Variants in CSMD1 observed in about 807,000 individuals in gnomAD.
CSMD1 encodes CUB and sushi domain-containing protein 1.
A neutral mutation model predicts 417.5 loss-of-function variants in CSMD1; 213 were observed. The observed-to-expected ratio is 0.51, with a 90% CI of 0.46 to 0.57. The LOEUF is 0.57. Ranked by LOEUF, CSMD1 falls within the 20% of genes least tolerant of loss-of-function variation. The pLI, the probability that CSMD1 is intolerant of heterozygous loss-of-function variation, is 0.00. For missense variants in CSMD1, 6,923 were observed against 4,529.7 expected, an observed-to-expected ratio of 1.53 and a Z score of -15.17; for synonymous variants, 2,862 against 1,736.8, an observed-to-expected ratio of 1.65 and a Z score of -16.11.
rs556347741 is a variant in CSMD1 at position 4,214,909 on chromosome 8, TGTTTTTGTTTTCAGCTCA to T, written c.416-182828_416-182811del. Among the ~76,000 whole-genome samples, 999 of 152,272 alleles carry T rather than the reference TGTTTTTGTTTTCAGCTCA, an allele frequency of 6.6e-3. 3 individuals are homozygous for T. Among genetic ancestry groups the T allele is most frequent in the Non-Finnish European group, 0.011 (720 of 68,016 alleles). ...ATATTCTTTTTTAAGTTTTACAACT[TGTTTTTGTTTTCAGCTCA>T]CTTTTAATGAGCACAAACGAAGCTC... On this transcript the variant is annotated intron_variant, in intron 3 of 69. Coordinates refer to ENST00000635120, the MANE Select transcript of CSMD1 (RefSeq NM_033225.6).
At chr8:3,123,036 C>T (rs1817296053) in intron 41 of CSMD1, among the ~76,000 whole-genome samples, 2 of 152,164 alleles carry the variant, frequency 1.3e-5, no homozygotes, top group Non-Finnish European at 2.9e-5. Flanking sequence ...AAGGACGTAG[C>T]TCAAAGGCTA....
intron 3 of CSMD1, among the ~76,000 whole-genome samples, chr8:4,165,273 A>G (rs961456938): frequency 1.3e-5 from 2 of 152,254 alleles, no homozygotes; most frequent in Admixed American, 1.3e-4. Context: ...CGAAAGTTAC[A>G]GCTGTTGATC....
At chr8:3,156,524 TG>T (rs777690803) in intron 39 of CSMD1, among the ~76,000 whole-genome samples, 25 of 152,042 alleles carry the variant, frequency 1.6e-4, no homozygotes, top group South Asian at 2.1e-4. Flanking sequence ...AGGCACATGG[TG>T]GTGGTAGCCC....
At chr8:3,836,578 T>G (rs1236282628) in intron 5 of CSMD1, among the ~76,000 whole-genome samples, 1 of 152,136 alleles carries the variant, frequency 6.6e-6, no homozygotes, top group Non-Finnish European at 1.5e-5. Flanking sequence ...TGAAGCTTGG[T>G]CTTTGAAGCA....
chr8:3,588,690 C>G (rs185293058), intron 8 of CSMD1, among the ~76,000 whole-genome samples: 1 of 151,978 alleles, frequency 6.6e-6, no homozygotes, highest in African/African-American at 2.4e-5. Flanking sequence ...TAAGCCTAAA[C>G]CCCCAAAGCG....
At chr8:3,740,554 C>A (rs1796747121) in intron 6 of CSMD1, among the ~76,000 whole-genome samples, 1 of 152,064 alleles carries the variant, frequency 6.6e-6, no homozygotes. Context: ...AGGATTTCTG[C>A]CACAGGGAAA....
At chr8:3,605,323 T>G (rs1446815760) in intron 8 of CSMD1, among the ~76,000 whole-genome samples, 2 of 152,186 alleles carry the variant, frequency 1.3e-5, no homozygotes, top group East Asian at 3.9e-4. Context: ...ACACCACATT[T>G]ACTCCCTGGT....
rs1798905831 is a variant in CSMD1, at chr8:4,060,316, G to A, written c.416-28217C>T. ...TCTCAGAATAATAAGAGTTATCTATGACAAACCCACAGCCGATATCATACT... is the reference window on the plus strand; with the variant it reads ...TCTCAGAATAATAAGAGTTATCTATAACAAACCCACAGCCGATATCATACT... On this transcript the variant is annotated intron_variant, in intron 3 of 69. Coordinates refer to ENST00000635120, the MANE Select transcript of CSMD1 (RefSeq NM_033225.6). 1.3e-5 allele frequency among the ~76,000 whole-genome samples: 2 copies of A among 152,150 alleles called. 1 individual carries two copies. Among genetic ancestry groups the A allele is most frequent in the Non-Finnish European group, 2.9e-5 (2 of 68,036 alleles).
intron 3 of CSMD1, among the ~76,000 whole-genome samples, chr8:4,336,000 CAAGTT>C (rs1800147524): frequency 6.6e-6 from 1 of 152,132 alleles, no homozygotes; most frequent in African/African-American, 2.4e-5. Flanking sequence ...CGCTCACTGT[CAAGTT>C]AAGATTTGGT....
chr8:4,411,218 C>G (rs1228772573), intron 3 of CSMD1, among the ~76,000 whole-genome samples: 1 of 152,132 alleles, frequency 6.6e-6, no homozygotes, highest in African/African-American at 2.4e-5. Flanking sequence ...CCATCAAGTA[C>G]AAATATTAAT....
At chr8:3,752,608 T>G (rs1797401086) in intron 6 of CSMD1, among the ~76,000 whole-genome samples, 1 of 137,886 alleles carries the variant, frequency 7.3e-6, no homozygotes, top group Non-Finnish European at 1.5e-5. Flanking sequence ...GAGGCAAGAC[T>G]GCACCACTGC....
chr8:4,084,157 GAAT>G (rs1365095426), intron 3 of CSMD1, among the ~76,000 whole-genome samples: 7 of 152,044 alleles, frequency 4.6e-5, no homozygotes, highest in Admixed American at 2.6e-4. Flanking sequence ...TATAAAAGCA[GAAT>G]AATTAAAAGA....
intron 52 of CSMD1, among the ~76,000 whole-genome samples, chr8:3,012,031 T>G (rs1808428182): frequency 6.6e-6 from 1 of 152,216 alleles, no homozygotes; most frequent in Non-Finnish European, 1.5e-5. Context: ...ACAGTACAGT[T>G]GGTAAATTAG....
At chr8:3,601,633 C>T (rs543983323) in intron 8 of CSMD1, among the ~76,000 whole-genome samples, 26 of 152,286 alleles carry the variant, frequency 1.7e-4, no homozygotes, top group African/African-American at 6.0e-4. Flanking sequence ...CTCTGTTCAG[C>T]AGCGTCAACA....
In CSMD1 at chr8:4,036,085, G is replaced by A. The variant is rs143397858; in HGVS notation, c.416-3986C>T. 2.1e-4 allele frequency among the ~76,000 whole-genome samples: 32 copies of A among 152,288 alleles called. No individual in the cohort carries two copies. The East Asian group carries it at 6.2e-3, about 29-fold the overall frequency. On this transcript the variant is annotated intron_variant, in intron 3 of 69. Coordinates refer to ENST00000635120, the MANE Select transcript of CSMD1 (RefSeq NM_033225.6). ...CCTACAGTATTCAGTTCAGCCACAT[G>A]CTGTACAGGTTTGCACTCTAGGAGT...
At chr8:3,537,785 A>G (rs1441454042) in intron 10 of CSMD1, among the ~76,000 whole-genome samples, 7 of 152,240 alleles carry the variant, frequency 4.6e-5, no homozygotes, top group Admixed American at 3.9e-4. Flanking sequence ...TTCACCAATT[A>G]AAGAGTCTCA....
chr8:3,907,494 C>G (rs1808188059), intron 5 of CSMD1, among the ~76,000 whole-genome samples: 1 of 152,078 alleles, frequency 6.6e-6, no homozygotes, highest in Non-Finnish European at 1.5e-5. Context: ...TTACAGTGGC[C>G]TATTAAGTAT....
intron 1 of CSMD1, among the ~76,000 whole-genome samples, chr8:4,921,472 T>A (rs140864113): frequency 2.0e-5 from 3 of 152,372 alleles, no homozygotes; most frequent in Non-Finnish European, 4.4e-5. Flanking sequence ...TACTGTCCCC[T>A]GAAAACACAG....
At chr8:4,158,521 A>C (rs772585309) in intron 3 of CSMD1, among the ~76,000 whole-genome samples, 11 of 152,136 alleles carry the variant, frequency 7.2e-5, no homozygotes, top group Non-Finnish European at 1.0e-4. Flanking sequence ...CTCCCAAAGA[A>C]ACAGTAATAT....
Sources: allele counts gnomAD v4.1 joint callset (sites outside exome capture counted in the v4.1 genomes callset), GRCh38; gene constraint gnomAD v4.1.1; transcripts MANE v1.5; gene names NCBI Gene and HGNC (gene_info 2026-07-23, HGNC 2026-07-21).